The following SMURF1 variants were observed in gnomAD, a reference collection of about 807,000 sequenced individuals.
SMURF1 encodes the protein SMAD specific E3 ubiquitin protein ligase 1.
SMURF1 carries 44 observed loss-of-function variants against 98.0 expected under a neutral mutation model. That is an observed-to-expected ratio of 0.45 (90% confidence interval 0.35 to 0.58). SMURF1 has a LOEUF of 0.58. Among genes scored for constraint, SMURF1 ranks in the 20% least tolerant of loss-of-function variants. SMURF1 has a pLI of 0.00. For missense variants in SMURF1, 687 were observed against 938.4 expected (o/e 0.73, Z 3.50); for synonymous variants, 396 against 374.9 (o/e 1.06, Z -0.65).
intron 1 of SMURF1, among the ~76,000 whole-genome samples, chr7:99,135,738 C>CTTTTCAT (rs1797977340): frequency 6.6e-6 from 1 of 152,200 alleles, no homozygotes; most frequent in Non-Finnish European, 1.5e-5. Context: ...TGTGTGAAAA[C>CTTTTCAT]ACCCATAAGA....
intron 1 of SMURF1, among the ~76,000 whole-genome samples, chr7:99,084,356 C>G (rs1317568349): frequency 1.3e-5 from 2 of 152,188 alleles, no homozygotes; most frequent in African/African-American, 4.8e-5. Context: ...TCTCAGCTCA[C>G]TGCAACCTCC....
At chr7:99,067,896 G>A (rs1796233943) in intron 1 of SMURF1, among the ~76,000 whole-genome samples, 2 of 152,168 alleles carry the variant, frequency 1.3e-5, no homozygotes, top group Non-Finnish European at 2.9e-5. Context: ...GGAGGTTGCA[G>A]TGAGCCAAGA....
intron 1 of SMURF1, among the ~76,000 whole-genome samples, chr7:99,142,774 G>T (rs1406823403): frequency 6.6e-6 from 1 of 151,362 alleles, no homozygotes; most frequent in East Asian, 2.0e-4. Flanking sequence ...CCAGGAGGAT[G>T]AGGGGAGGGA....
chr7:99,085,731 T>TA (rs1422503531), intron 1 of SMURF1, among the ~76,000 whole-genome samples: 3 of 152,302 alleles, frequency 2.0e-5, no homozygotes, highest in East Asian at 1.9e-4. Context: ...TTCGCTGCCC[T>TA]AAAAAATCCT....
intron 1 of SMURF1, among the ~76,000 whole-genome samples, chr7:99,082,938 T>G (rs1490220013): frequency 2.0e-5 from 3 of 152,204 alleles, no homozygotes. Context: ...TGTACAGGTC[T>G]TATACTTCTT....
intron 1 of SMURF1, among the ~76,000 whole-genome samples, chr7:99,128,009 A>G (rs1052252627): frequency 6.6e-6 from 1 of 152,318 alleles, no homozygotes; most frequent in African/African-American, 2.4e-5. Context: ...TCCTTTTCTA[A>G]AATAAAAAGG....
chr7:99,046,324 A>G (rs1001042910), intron 10 of SMURF1, among the ~76,000 whole-genome samples: 4 of 152,210 alleles, frequency 2.6e-5, no homozygotes, highest in Non-Finnish European at 5.9e-5. Context: ...TCAGCCTGCT[A>G]TTCCCTCACA....
At chr7:99,071,877 C>T (rs1460362996) in intron 1 of SMURF1, among the ~76,000 whole-genome samples, 1 of 151,650 alleles carries the variant, frequency 6.6e-6, no homozygotes, top group South Asian at 2.1e-4. Context: ...AGTTGGAGAC[C>T]ACCCCTGAGC....
Position 99,045,799 on chromosome 7 carries a change from C to T in SMURF1, c.1155G>A (p.Glu385=), listed in dbSNP as rs780217645. ...GCATCTTCATTATCTGGCGGTAAGA[C>T]TCCTGAAGAGCAACATCACAGTTTC... is the stretch of plus-strand genomic sequence containing the variant. ...IEVSREEIFE[E]SYRQIMKMRP... The change falls in exon 11 of 18, where the codon GAG becomes GAA. Residue 385 remains glutamate, a splice_region_variant and synonymous_variant. Coordinates refer to ENST00000361368, the MANE Select transcript of SMURF1 (RefSeq NM_181349.3). 5.6e-6 allele frequency: 9 copies of T among 1,610,404 alleles called. No individual in the cohort carries two copies. The highest frequency in any genetic ancestry group is 1.1e-5 in the South Asian group (1 of 91,004).
Position 99,040,515 on chromosome 7 carries a change from C to A in SMURF1, c.1413G>T (p.Gly471=), listed in dbSNP as rs1490195583. The part of the protein sequence containing the change: ...SYFHFVGRIM[G]LAVFHGHYIN... ...TGTAGTGTCCATGGAACACAGCCAG[C>A]CCCATGATCCGCCCCACAAAGTGGA... The change falls in exon 13 of 18, where the codon GGG becomes GGT. Residue 471 remains glycine (G), a synonymous_variant. Coordinates refer to ENST00000361368, the MANE Select transcript of SMURF1 (RefSeq NM_181349.3). 1 of 1,533,574 alleles carries A rather than the reference C, an allele frequency of 6.5e-7. No individual in the cohort carries two copies. Among genetic ancestry groups the A allele is most frequent in the Non-Finnish European group, 8.8e-7 (1 of 1,141,016 alleles). The allele number at this position is 1,533,574 out of a possible 1,614,324, so 95.0% of individuals were successfully genotyped here.
At chr7:99,075,060 C>G (rs983265941) in intron 1 of SMURF1, among the ~76,000 whole-genome samples, 1 of 152,122 alleles carries the variant, frequency 6.6e-6, no homozygotes, top group Non-Finnish European at 1.5e-5. Flanking sequence ...TAAGTGCTAG[C>G]AAGGAGGTGG....
intron 1 of SMURF1, among the ~76,000 whole-genome samples, chr7:99,139,238 C>A (rs1291850124): frequency 2.0e-5 from 3 of 152,198 alleles, no homozygotes; most frequent in Non-Finnish European, 4.4e-5. Context: ...CATCTGAATG[C>A]CAAAACACAA....
At chr7:99,088,269 A>AT (rs1796728175) in intron 1 of SMURF1, among the ~76,000 whole-genome samples, 1 of 151,906 alleles carries the variant, frequency 6.6e-6, no homozygotes, top group African/African-American at 2.4e-5. Context: ...AAAAAAAAAA[A>AT]AAATTAAAAA....
At chr7:99,129,004 C>A (rs549175340) in intron 1 of SMURF1, among the ~76,000 whole-genome samples, 1 of 152,128 alleles carries the variant, frequency 6.6e-6, no homozygotes, top group Admixed American at 6.5e-5. Context: ...AGAACAAAAA[C>A]AAAATTGAAA....
chr7:99,102,094 T>A (rs1168276873), intron 1 of SMURF1, among the ~76,000 whole-genome samples: 1 of 152,180 alleles, frequency 6.6e-6, no homozygotes, highest in Non-Finnish European at 1.5e-5. Context: ...CCCTTTTATA[T>A]GGGCATACTA....
chr7:99,070,038 T>C (rs899775875), intron 1 of SMURF1, among the ~76,000 whole-genome samples: 1 of 152,206 alleles, frequency 6.6e-6, no homozygotes, highest in African/African-American at 2.4e-5. Context: ...AAAACACCTG[T>C]TTGCTTAAAA....
At chr7:99,082,651 T>C (rs1796597478) in intron 1 of SMURF1, among the ~76,000 whole-genome samples, 1 of 152,236 alleles carries the variant, frequency 6.6e-6, no homozygotes, top group African/African-American at 2.4e-5. Context: ...GAAGTGCTAG[T>C]CTCCAACTTT....
chr7:99,051,504 C>A, intron 7 of SMURF1, 63 bp from the exon 8 acceptor site: 1 of 1,205,676 alleles, frequency 8.3e-7, no homozygotes. Context: ...TTGTAACCAA[C>A]CCTCGATGCC....
intron 1 of SMURF1, among the ~76,000 whole-genome samples, chr7:99,107,146 G>A (rs1797211717): frequency 6.6e-6 from 1 of 152,192 alleles, no homozygotes; most frequent in Middle Eastern, 3.2e-3. Context: ...TGTAGCAAGG[G>A]TGTGAAATTG....
Sources: allele counts gnomAD v4.1 joint callset (sites outside exome capture counted in the v4.1 genomes callset), GRCh38; gene constraint gnomAD v4.1.1; transcripts MANE v1.5; gene names NCBI Gene and HGNC (gene_info 2026-07-23, HGNC 2026-07-21).